ZNF804A: variants seen among roughly 807,000 people sequenced by gnomAD.
ZNF804A encodes zinc finger protein 804A.
Under a neutral mutation model 16.5 loss-of-function variants are expected in ZNF804A, and 2 were observed. The ratio of observed to expected loss-of-function variants is 0.12; its 90% CI spans 0.05 to 0.38. The LOEUF (loss-of-function observed/expected upper bound fraction) is 0.38, where lower values mean the gene tolerates loss of function less well. Among genes scored for constraint, ZNF804A ranks in the 10% least tolerant of loss-of-function variants. The pLI is 0.99. For synonymous variants in ZNF804A, 534 were observed against 489.6 expected, an observed-to-expected ratio of 1.09 and a Z score of -1.20; for missense variants, 1,473 against 1,390.7, an observed-to-expected ratio of 1.06 and a Z score of -0.94.
Position 184,609,015 on chromosome 2 carries a change from CACTT to C in ZNF804A, c.111+9948_111+9951del, listed in dbSNP as rs138774985. 9.6e-3 allele frequency among the ~76,000 whole-genome samples: 1,466 copies of C among 152,260 alleles called. 25 individuals are homozygous for C. Among genetic ancestry groups the C allele is most frequent in the African/African-American group, 0.033 (1,373 of 41,538 alleles). Reference sequence around the variant, plus strand: ...TCTACAGAATTTTTTTGATAATAGACACTTACGAATTCAAGGAGGACATAGTCCA... The same window carrying C: ...TCTACAGAATTTTTTTGATAATAGACACGAATTCAAGGAGGACATAGTCCA... On this transcript the variant is annotated intron_variant, in intron 1 of 3. Transcript: ENST00000302277.
chr2:184,739,968 T>C (rs1252894000), intron 1 of ZNF804A, among the ~76,000 whole-genome samples: 2 of 152,234 alleles, frequency 1.3e-5, no homozygotes, highest in African/African-American at 4.8e-5. Context: ...AGTTGTTGAA[T>C]TAATTGAAAT....
intron 1 of ZNF804A, among the ~76,000 whole-genome samples, chr2:184,832,545 A>G (rs374809676): frequency 9.5e-4 from 145 of 152,034 alleles, no homozygotes; most frequent in African/African-American, 3.3e-3. Context: ...ATCTTCTTTC[A>G]TATTAAGACT....
At chr2:184,757,532 A>G (rs1248218118) in intron 1 of ZNF804A, among the ~76,000 whole-genome samples, 1 of 151,910 alleles carries the variant, frequency 6.6e-6, no homozygotes, top group Non-Finnish European at 1.5e-5. Context: ...AAGTCATCTT[A>G]CATTTATGTT....
At chr2:184,607,985 G>A (rs887430608) in intron 1 of ZNF804A, among the ~76,000 whole-genome samples, 1 of 111,928 alleles carries the variant, frequency 8.9e-6, no homozygotes, top group African/African-American at 3.6e-5. Context: ...TCGCTCTGTC[G>A]CCCAGGCTGG....
At chr2:184,698,681 A>G (rs1013394146) in intron 1 of ZNF804A, among the ~76,000 whole-genome samples, 1 of 152,096 alleles carries the variant, frequency 6.6e-6, no homozygotes, top group Non-Finnish European at 1.5e-5. Flanking sequence ...TTGTTGACTC[A>G]GCAGTTCAAG....
At chr2:184,625,176 G>GT (rs1214228913) in intron 1 of ZNF804A, among the ~76,000 whole-genome samples, 1 of 152,028 alleles carries the variant, frequency 6.6e-6, no homozygotes, top group Non-Finnish European at 1.5e-5. Context: ...ATAAATGTGG[G>GT]TTTTTCCCCT....
chr2:184,628,514 T>C (rs1691545365), intron 1 of ZNF804A, among the ~76,000 whole-genome samples: 1 of 152,172 alleles, frequency 6.6e-6, no homozygotes, highest in Admixed American at 6.5e-5. Context: ...AACAGACATT[T>C]GTATCCAGAT....
intron 2 of ZNF804A, among the ~76,000 whole-genome samples, chr2:184,874,213 A>G (rs183169543): frequency 1.8e-4 from 27 of 152,280 alleles, no homozygotes; most frequent in African/African-American, 6.3e-4. Context: ...AATGATGAAT[A>G]CAAAACTCAG....
intron 1 of ZNF804A, among the ~76,000 whole-genome samples, chr2:184,857,387 T>A (rs1574243965): frequency 6.6e-6 from 1 of 152,248 alleles, no homozygotes; most frequent in East Asian, 1.9e-4. Flanking sequence ...ACTTGTTTTG[T>A]TGCCTAACAT....
At chr2:184,931,409 G>T (rs1685699373) in intron 2 of ZNF804A, among the ~76,000 whole-genome samples, 2 of 152,196 alleles carry the variant, frequency 1.3e-5, no homozygotes, top group Admixed American at 6.5e-5. Context: ...CCCAAACTTT[G>T]ATTCTTGAAT....
intron 1 of ZNF804A, among the ~76,000 whole-genome samples, chr2:184,788,850 A>G (rs988420654): frequency 2.0e-5 from 3 of 152,008 alleles, no homozygotes; most frequent in Admixed American, 1.3e-4. Context: ...TGTTCTGGCT[A>G]AGACTTCTCT....
chr2:184,726,206 T>G (rs890477806), intron 1 of ZNF804A, among the ~76,000 whole-genome samples: 2 of 151,716 alleles, frequency 1.3e-5, no homozygotes, highest in African/African-American at 4.8e-5. Context: ...TTTAAGAATC[T>G]TCCCATTTCC....
chr2:184,738,238 TAGATAAAATC>T (rs1326789870), intron 1 of ZNF804A, among the ~76,000 whole-genome samples: 1 of 148,596 alleles, frequency 6.7e-6, no homozygotes, highest in Non-Finnish European at 1.5e-5. Context: ...AGCTGAAAAA[TAGATAAAATC>T]AGTTTTGAGA....
chr2:184,919,230 A>G (rs1685495211), intron 2 of ZNF804A, among the ~76,000 whole-genome samples: 1 of 152,210 alleles, frequency 6.6e-6, no homozygotes, highest in African/African-American at 2.4e-5. Flanking sequence ...AGAAGGTAAC[A>G]CTGCCCCTTT....
chr2:184,882,153 C>CA (rs1684817557), intron 2 of ZNF804A, among the ~76,000 whole-genome samples: 1 of 151,602 alleles, frequency 6.6e-6, no homozygotes. Context: ...TAATTTCAGA[C>CA]AAAACAGACA....
At chr2:184,687,787 T>C (rs1461997971) in intron 1 of ZNF804A, among the ~76,000 whole-genome samples, 1 of 152,230 alleles carries the variant, frequency 6.6e-6, no homozygotes, top group Non-Finnish European at 1.5e-5. Context: ...CTGTATATTT[T>C]ACCACAATAA....
At chr2:184,934,367 A>T (rs992924010) in intron 3 of ZNF804A, among the ~76,000 whole-genome samples, 1 of 152,162 alleles carries the variant, frequency 6.6e-6, no homozygotes, top group Admixed American at 6.5e-5. Context: ...TTTTAAAAGT[A>T]GTCTTTGTTT....
intron 1 of ZNF804A, among the ~76,000 whole-genome samples, chr2:184,678,201 A>G (rs11901640): frequency 0.31 from 47,816 of 151,842 alleles, 9,848 homozygotes; most frequent in African/African-American, 0.58. Context: ...AGTGTAAGTG[A>G]TTATATATTA....
chr2:184,716,364 C>T (rs1025895618), intron 1 of ZNF804A, among the ~76,000 whole-genome samples: 1 of 151,540 alleles, frequency 6.6e-6, no homozygotes, highest in African/African-American at 2.4e-5. Context: ...TTTATATTTT[C>T]TTTTAGTAAT....
Sources: gnomAD v4.1 joint callset for allele counts (sites outside exome capture counted in the v4.1 genomes callset) on GRCh38, gnomAD v4.1.1 for gene constraint, MANE v1.5 for transcripts, NCBI Gene and HGNC (gene_info 2026-07-23, HGNC 2026-07-21) for gene names.